The following GABBR1 variants were observed in gnomAD, a reference collection of about 807,000 sequenced individuals.
GABBR1 encodes the protein gamma-aminobutyric acid type B receptor subunit 1, also known as GABA-B receptor, R1 subunit.
Under a neutral mutation model 117.7 loss-of-function variants are expected in GABBR1, and 35 were observed. The observed-to-expected ratio is 0.30, with a 90% confidence interval of 0.23 to 0.39. The LOEUF (loss-of-function observed/expected upper bound fraction) is 0.39. GABBR1 is among the 10% of genes least tolerant of loss of function. GABBR1 has a pLI of 1.00. For synonymous variants in GABBR1, 442 were observed against 486.6 expected (o/e 0.91, Z 1.21); for missense variants, 709 against 1,241.8 (o/e 0.57, Z 6.45).
Position 29,605,513 on chromosome 6 carries a change from A to G in GABBR1, c.2439+56T>C. 3 of 1,596,792 alleles carry G rather than the reference A, an allele frequency of 1.9e-6. No individual in the cohort carries two copies. Among genetic ancestry groups the G allele is most frequent in the African/African-American group, 1.3e-5 (1 of 74,542 alleles). ...TAGCATTGATTCTTCCTAGTCCTCT[A>G]TATCTGGGCTGCTGTGGTCAGCCTA... On this transcript the variant is annotated intron_variant, in intron 20 of 22. Coordinates refer to ENST00000377034, the MANE Select transcript of GABBR1 (RefSeq NM_001470.4). This position sits in a 1 kb window ranked among gnomAD's most constrained non-coding sequence, Gnocchi z 4.2.
chr6:29,603,629 GTT>G lies in GABBR1; in HGVS notation c.2798_2799del (p.Glu933AlafsTer11). ...GGTCCCCTGGGCAGGCCCCCAGAGG[GTT>G]CTGGGGGTGTCGGTGGGTGGCGCCG... ...RSRRHPPTPP[E>X]PSGGLPRGPP... On this transcript the variant is annotated frameshift_variant, in exon 23 of 23. Coordinates refer to ENST00000377034, the MANE Select transcript of GABBR1 (RefSeq NM_001470.4). LOFTEE classifies it high-confidence loss of function. 1 of 1,536,432 alleles carries G rather than the reference GTT, an allele frequency of 6.5e-7. No homozygotes were observed. Among genetic ancestry groups the G allele is most frequent in the South Asian group, 1.3e-5 (1 of 78,246 alleles).
rs745800421 is a variant in GABBR1, at chr6:29,609,156, T to C, written c.1859+73A>G. On this transcript the variant is annotated intron_variant, in intron 15 of 22. Coordinates refer to ENST00000377034, the MANE Select transcript of GABBR1 (RefSeq NM_001470.4). The surrounding 1 kb of genome is among the most constrained non-coding windows in gnomAD (Gnocchi z 4.3). The stretch of plus-strand genomic sequence containing the variant: ...GGCCATGGGAGTTACACAGGTTTTA[T>C]TCTCATCCTGTCCAGGAACATGATC... 2.1e-6 allele frequency: 3 copies of C among 1,452,006 alleles called. No individual in the cohort carries two copies. The highest frequency in any genetic ancestry group is 2.9e-6 in the Non-Finnish European group (3 of 1,043,128). 89.9% of individuals were successfully genotyped at this position (1,452,006 alleles called of 1,614,324 possible).
chr6:29,612,538 C>A lies in GABBR1; in HGVS notation c.1630+13G>T. ...AGCCCCCATGTCCGGTCCCCTCCTG[C>A]CCCTGTACTAACCCTGAAGCTGCTC... On this transcript the variant is annotated intron_variant, in intron 13 of 22. Coordinates refer to ENST00000377034, the MANE Select transcript of GABBR1 (RefSeq NM_001470.4). 1 of 1,613,198 alleles carries A rather than the reference C, an allele frequency of 6.2e-7. No homozygotes were observed. The highest frequency in any genetic ancestry group is 8.5e-7 in the Non-Finnish European group (1 of 1,179,378).
In GABBR1 at chr6:29,603,586, C is replaced by T. The variant is rs145168605; in HGVS notation, c.2843G>A (p.Arg948Gln). 1.1e-4 allele frequency: 175 copies of T among 1,591,614 alleles called. No individual in the cohort carries two copies. In the Middle Eastern group the frequency reaches 1.2e-3, roughly 11 times the overall value. ...LPRGPPEPPD[R>Q]LSCDGSRVHL... The stretch of plus-strand genomic sequence containing the variant: ...CACTCGACTCCCATCACAGCTAAGC[C>T]GGTCGGGGGGCTCAGGGGGTCCCCT... The change falls in exon 23 of 23, where the codon CGG (arginine) becomes CAG (glutamine). Residue 948 changes from arginine to glutamine, a missense_variant. Physicochemically the swap from Arg to Gln is conservative, Grantham distance 43. This residue lies in a region of GABBR1 where 69 missense variants were observed against 64.3 expected (regional missense o/e 1.07). Coordinates refer to ENST00000377034, the MANE Select transcript of GABBR1 (RefSeq NM_001470.4).
At chr6:29,612,168 A>AT (rs540730674) in intron 13 of GABBR1, among the ~76,000 whole-genome samples, 1,733 of 137,558 alleles carry the variant, frequency 0.013, 19 homozygotes, top group Non-Finnish European at 0.016. Flanking sequence ...CACCCAGCTA[A>AT]TTTTTTTTTT....
chr6:29,625,085 A>T (rs1230285054), intron 6 of GABBR1, among the ~76,000 whole-genome samples: 9 of 151,964 alleles, frequency 5.9e-5, no homozygotes, highest in Admixed American at 5.9e-4. Flanking sequence ...CACGGTGGGA[A>T]GTTGGAGAAG....
Position 29,627,399 on chromosome 6 carries a change from G to A in GABBR1, c.657+87C>T. On this transcript the variant is annotated intron_variant, in intron 6 of 22. Coordinates refer to ENST00000377034, the MANE Select transcript of GABBR1 (RefSeq NM_001470.4). This position sits in a 1 kb window ranked among gnomAD's most constrained non-coding sequence, Gnocchi z 4.4. Reference sequence around the variant, plus strand: ...GGGTCTGCCTCGCAATCCCAGAGACGACTCAGACAGATGGGGGCGCGTGCA... The same window carrying A: ...GGGTCTGCCTCGCAATCCCAGAGACAACTCAGACAGATGGGGGCGCGTGCA... The A allele has an allele frequency of 7.4e-7, 1 of 1,354,910 alleles. No homozygotes were observed. 83.9% of individuals were successfully genotyped at this position (1,354,910 alleles called of 1,614,324 possible).
chr6:29,609,313 A>C lies in GABBR1; in HGVS notation c.1775T>G (p.Phe592Cys). The change falls in exon 15 of 23, where the codon TTT becomes TGT. Residue 592 changes from phenylalanine to cysteine, a missense_variant. By Grantham distance (205) the Phe-to-Cys change is radical. Around this residue, in one of 9 missense-constraint regions of GABBR1, gnomAD observed 251 missense variants for 445.3 expected, o/e 0.56. Transcript: ENST00000377034. This position sits in a 1 kb window ranked among gnomAD's most constrained non-coding sequence, Gnocchi z 4.3. ...KTFRFLSQKL[F>C]ISVSVLSSLG... Reference sequence around the variant, plus strand: ...GCTGGAGAGAACTGAGACGGAGATAAAGAGTTTCTGTGACAGGAAGCGGAA... The same window carrying C: ...GCTGGAGAGAACTGAGACGGAGATACAGAGTTTCTGTGACAGGAAGCGGAA... The C allele has an allele frequency of 6.2e-7, 1 of 1,613,014 alleles. No homozygotes were observed. The highest frequency in any genetic ancestry group is 8.5e-7 in the Non-Finnish European group (1 of 1,179,976).
chr6:29,606,343 C>T lies in GABBR1; in HGVS notation c.2311+48G>A. The T allele has an allele frequency of 3.6e-6, 5 of 1,391,486 alleles. No individual in the cohort carries two copies. The highest frequency in any genetic ancestry group is 5.1e-6 in the Non-Finnish European group (5 of 977,894). 86.2% of individuals were successfully genotyped at this position (1,391,486 alleles called of 1,614,324 possible). ...TCCAAGCCCTCTACCCCTGCCTTCC[C>T]TCCTGCCTTTGTGCATCCCTGCCCT... is the stretch of plus-strand genomic sequence containing the variant. On this transcript the variant is annotated intron_variant, in intron 19 of 22. Coordinates refer to ENST00000377034, the MANE Select transcript of GABBR1 (RefSeq NM_001470.4). The surrounding 1 kb of genome is among the most constrained non-coding windows in gnomAD (Gnocchi z 4.5).
Position 29,632,652 on chromosome 6 carries a change from GC to G in GABBR1, c.-1+197del, listed in dbSNP as rs1469507580. 3 of 1,440,768 alleles carry G rather than the reference GC, an allele frequency of 2.1e-6. No homozygotes were observed. Among genetic ancestry groups the G allele is most frequent in the South Asian group, 2.6e-5 (2 of 76,506 alleles). The allele number at this position is 1,440,768 out of a possible 1,614,324, so 89.2% of individuals were successfully genotyped here. A position where few individuals can be genotyped will look rare whatever the true frequency, so the allele number is the denominator to read the frequency against. ...ACCTCTCACCACCTCCTCTCCCCCG[GC>G]CCCCGCGGCTCGCAGAAGCCTGGCT... On this transcript the variant is annotated intron_variant, in intron 1 of 22. Coordinates refer to ENST00000377034, the MANE Select transcript of GABBR1 (RefSeq NM_001470.4). The surrounding 1 kb of genome is among the most constrained non-coding windows in gnomAD (Gnocchi z 5.8).
chr6:29,626,953 T>TC (rs1441559428), intron 6 of GABBR1, among the ~76,000 whole-genome samples: 4 of 152,118 alleles, frequency 2.6e-5, no homozygotes, highest in Admixed American at 2.0e-4. Context: ...CAGGTAGGGC[T>TC]CACCACTACC....
At position 29,613,120 on chromosome 6, in the gene GABBR1, G is replaced by T; in HGVS notation, c.1566+123C>A. ...TTTGAAGGTCCCTACTTCTCTGGTC[G>T]GAGACTGATTCTGCAAAGAAGTAAC... is the stretch of plus-strand genomic sequence containing the variant. On this transcript the variant is annotated intron_variant, in intron 12 of 22. Coordinates refer to ENST00000377034, the MANE Select transcript of GABBR1 (RefSeq NM_001470.4). This position sits in a 1 kb window ranked among gnomAD's most constrained non-coding sequence, Gnocchi z 4.1. 2 of 1,075,020 alleles carry T rather than the reference G, an allele frequency of 1.9e-6. No individual in the cohort carries two copies. The highest frequency in any genetic ancestry group is 2.3e-4 in the Middle Eastern group (1 of 4,408). 66.6% of individuals were successfully genotyped at this position (1,075,020 alleles called of 1,614,324 possible).
In GABBR1 at chr6:29,604,544, A is replaced by T. The variant is rs1168536282; in HGVS notation, c.2662T>A (p.Ser888Thr). The T allele has an allele frequency of 3.1e-6, 5 of 1,613,088 alleles. No individual in the cohort carries two copies. Residue 888 changes from serine (S) to threonine (T), a missense_variant, in exon 22 of 23, where the codon TCC becomes ACC. Coordinates refer to ENST00000377034, the MANE Select transcript of GABBR1 (RefSeq NM_001470.4). This position sits in a 1 kb window ranked among gnomAD's most constrained non-coding sequence, Gnocchi z 5.3. ...CGGTTCTCCTTCTCCAACAGCCGGG[A>T]CTTCTCCTCCTCGTTGTTGTTGGTC... The part of the protein sequence containing the change: ...SSTNNNEEEK[S>T]RLLEKENREL...
At position 29,621,981 on chromosome 6, in the gene GABBR1, C is replaced by T; in HGVS notation, c.1065+123G>A. On this transcript the variant is annotated intron_variant, in intron 9 of 22. Coordinates refer to ENST00000377034, the MANE Select transcript of GABBR1 (RefSeq NM_001470.4). This position sits in a 1 kb window ranked among gnomAD's most constrained non-coding sequence, Gnocchi z 5.0. ...AACTGGAAGATGGAGCTAAACTTCCCCAGGAGATGCTATTGCCTCAGAGAA... is the reference window on the plus strand; with the variant it reads ...AACTGGAAGATGGAGCTAAACTTCCTCAGGAGATGCTATTGCCTCAGAGAA... 1 of 1,043,640 alleles carries T rather than the reference C, an allele frequency of 9.6e-7. No individual in the cohort carries two copies. Among genetic ancestry groups the T allele is most frequent in the Non-Finnish European group, 1.5e-6 (1 of 686,750 alleles). The allele number at this position is 1,043,640 out of a possible 1,614,324, so 64.6% of individuals were successfully genotyped here.
At position 29,627,353 on chromosome 6, in the gene GABBR1, C is replaced by T; in HGVS notation, c.657+133G>A. 1.1e-6 allele frequency: 1 copy of T among 904,766 alleles called. No individual in the cohort carries two copies. The highest frequency in any genetic ancestry group is 1.7e-6 in the Non-Finnish European group (1 of 601,518). The allele number at this position is 904,766 out of a possible 1,614,324, so 56.0% of individuals were successfully genotyped here. The stretch of plus-strand genomic sequence containing the variant: ...AAGCTCCTGCACCCCCAGCCCATCT[C>T]CTGCCAGTCACACAAGGGAGGGGTC... On this transcript the variant is annotated intron_variant, in intron 6 of 22. Transcript: ENST00000377034. This position sits in a 1 kb window ranked among gnomAD's most constrained non-coding sequence, Gnocchi z 4.4.
At chr6:29,608,271 C>A (rs1162630872) in intron 16 of GABBR1, among the ~76,000 whole-genome samples, 1 of 152,222 alleles carries the variant, frequency 6.6e-6, no homozygotes, top group Non-Finnish European at 1.5e-5. Context: ...GATTCTCAGC[C>A]CCCATACCAC....
Position 29,620,993 on chromosome 6 carries a change from C to A in GABBR1, c.1323+108G>T. The A allele has an allele frequency of 1.1e-6, 1 of 905,794 alleles. No individual in the cohort carries two copies. 56.1% of individuals were successfully genotyped at this position (905,794 alleles called of 1,614,324 possible). On this transcript the variant is annotated intron_variant, in intron 11 of 22. Coordinates refer to ENST00000377034, the MANE Select transcript of GABBR1 (RefSeq NM_001470.4). This position sits in a 1 kb window ranked among gnomAD's most constrained non-coding sequence, Gnocchi z 4.5. ...AGGGTGGGCACAGCCCCCTCTTCTC[C>A]TTTATATCCAAATTCCGCACCCTCT...
intron 11 of GABBR1, among the ~76,000 whole-genome samples, chr6:29,614,729 TGTAAA>T (rs1232766822): frequency 1.3e-5 from 2 of 152,160 alleles, no homozygotes; most frequent in African/African-American, 4.8e-5. Context: ...GAAAATACTC[TGTAAA>T]GTATTTAATA....
rs1761815250 is a variant in GABBR1 at position 29,605,112 on chromosome 6, T to A, written c.2440-124A>T. On this transcript the variant is annotated intron_variant, in intron 20 of 22. Transcript: ENST00000377034. This position sits in a 1 kb window ranked among gnomAD's most constrained non-coding sequence, Gnocchi z 4.2. Reference sequence around the variant, plus strand: ...TGGTGAACTTTCCCTTTGAAAAGGATCCAAATTCAGGATCATCCTCAAATA... The same window carrying A: ...TGGTGAACTTTCCCTTTGAAAAGGAACCAAATTCAGGATCATCCTCAAATA... 1.9e-6 allele frequency: 2 copies of A among 1,038,482 alleles called. No homozygotes were observed. The highest frequency in any genetic ancestry group is 3.1e-5 in the Admixed American group (1 of 32,388). 64.3% of individuals were successfully genotyped at this position (1,038,482 alleles called of 1,614,324 possible). A position where few individuals can be genotyped will look rare whatever the true frequency, so the allele number is the denominator to read the frequency against.
Sources: allele counts gnomAD v4.1 joint callset (sites outside exome capture counted in the v4.1 genomes callset), GRCh38; gene constraint gnomAD v4.1.1; regional missense constraint gnomAD v4.1.1; non-coding constraint Gnocchi (gnomAD v3.1); transcripts MANE v1.5; gene names NCBI Gene and HGNC (gene_info 2026-07-23, HGNC 2026-07-21).